Variants in ASTN2 observed in about 807,000 individuals in gnomAD.
ASTN2 encodes astrotactin 2.
In ASTN2, 54 loss-of-function variants were observed where a neutral mutation model predicts 139.8. The ratio of observed to expected loss-of-function variants is 0.39; its 90% CI spans 0.31 to 0.48. The LOEUF (loss-of-function observed/expected upper bound fraction) is 0.48. Ranked by LOEUF, ASTN2 falls within the 20% of genes least tolerant of loss-of-function variation. The probability of loss-of-function intolerance (pLI) is 0.95; values close to 1 mark genes in which losing one functional copy is unlikely to be tolerated. For missense variants in ASTN2, 1,565 were observed against 1,725.1 expected, an observed-to-expected ratio of 0.91 and a Z score of 1.64; for synonymous variants, 756 against 719.5, an observed-to-expected ratio of 1.05 and a Z score of -0.81.
intron 6 of ASTN2, among the ~76,000 whole-genome samples, chr9:117,022,447 AAAAAAAAC>A (rs1171872030): frequency 2.7e-5 from 3 of 111,862 alleles, no homozygotes; most frequent in East Asian, 3.3e-4. Flanking sequence ...CAGGGCAAAA[AAAAAAAAC>A]AAAAAAACAA....
chr9:116,511,634 G>C (rs1850385990), intron 19 of ASTN2, among the ~76,000 whole-genome samples: 1 of 152,154 alleles, frequency 6.6e-6, no homozygotes, highest in Admixed American at 6.5e-5. Flanking sequence ...GTCAGGTACT[G>C]GACTTTTTTT....
intron 16 of ASTN2, among the ~76,000 whole-genome samples, chr9:116,706,703 T>C (rs966309520): frequency 6.6e-5 from 10 of 151,380 alleles, no homozygotes; most frequent in African/African-American, 2.2e-4. Flanking sequence ...AGATGACCAC[T>C]ACCACTGCAG....
At chr9:116,802,421 C>T (rs901001042) in intron 13 of ASTN2, among the ~76,000 whole-genome samples, 10 of 152,034 alleles carry the variant, frequency 6.6e-5, no homozygotes, top group Admixed American at 2.6e-4. Flanking sequence ...GTCTGTTGGC[C>T]GTGGGAAGAT....
intron 16 of ASTN2, among the ~76,000 whole-genome samples, chr9:116,725,377 A>T (rs917551538): frequency 9.9e-5 from 15 of 151,928 alleles, no homozygotes; most frequent in Admixed American, 3.9e-4. Context: ...AGAACCCAAG[A>T]TCTTCTTGGG....
intron 16 of ASTN2, chr9:116,687,159 C>G: frequency 9.3e-7 from 1 of 1,070,084 alleles, no homozygotes; most frequent in Non-Finnish European, 1.1e-6. Context: ...TCGCTAAGGC[C>G]CCGGGTTCTC....
intron 2 of ASTN2, among the ~76,000 whole-genome samples, chr9:117,274,004 T>C (rs957849886): frequency 6.6e-6 from 1 of 152,114 alleles, no homozygotes; most frequent in Non-Finnish European, 1.5e-5. Flanking sequence ...AGACCCTAAT[T>C]GTTATCTCCC....
chr9:116,667,969 A>C (rs1235905879), intron 16 of ASTN2, among the ~76,000 whole-genome samples: 1 of 152,140 alleles, frequency 6.6e-6, no homozygotes, highest in Non-Finnish European at 1.5e-5. Context: ...GGTGTTGAAC[A>C]TTCTATGGGT....
chr9:117,169,131 T>A (rs995911942), intron 3 of ASTN2, among the ~76,000 whole-genome samples: 4 of 151,876 alleles, frequency 2.6e-5, no homozygotes, highest in Admixed American at 2.6e-4. Flanking sequence ...TGATTATAAA[T>A]AGAGGTTGCT....
intron 16 of ASTN2, among the ~76,000 whole-genome samples, chr9:116,706,760 A>ATTTTTTTTTTTTTTTTTTTT (rs60395133): frequency 1.1e-5 from 1 of 88,060 alleles, no homozygotes; most frequent in African/African-American, 4.5e-5. Flanking sequence ...GCTGGCTAGA[A>ATTTTTTTTTTTTTTTTTTTT]TTTTTTTTTT....
intron 10 of ASTN2, among the ~76,000 whole-genome samples, chr9:116,962,771 T>C (rs1186501704): frequency 6.6e-6 from 1 of 152,204 alleles, no homozygotes. Context: ...TGTCATAATA[T>C]AATACAATAG....
At chr9:116,700,990 G>T (rs1861142482) in intron 16 of ASTN2, 1 of 167,072 alleles carries the variant, frequency 6.0e-6, no homozygotes, top group African/African-American at 2.4e-5. Context: ...CCTATTCTGA[G>T]CTTCTGCTGT....
At chr9:116,663,863 T>C (rs529554006) in intron 16 of ASTN2, among the ~76,000 whole-genome samples, 3 of 152,298 alleles carry the variant, frequency 2.0e-5, no homozygotes, top group South Asian at 4.1e-4. Context: ...TGGAAGCTCA[T>C]GGAGGGAAAA....
intron 19 of ASTN2, chr9:116,613,213 C>T (rs1234145920): frequency 6.6e-6 from 1 of 152,174 alleles, no homozygotes; most frequent in Non-Finnish European, 1.5e-5. Flanking sequence ...ATAACAGGTT[C>T]TGAAATTGAG....
chr9:117,066,122 C>T (rs1014563592), intron 5 of ASTN2, among the ~76,000 whole-genome samples: 4 of 142,888 alleles, frequency 2.8e-5, no homozygotes, highest in African/African-American at 1.0e-4. Context: ...CACCCACTAA[C>T]TCGTCATCTA....
intron 1 of ASTN2, among the ~76,000 whole-genome samples, chr9:117,397,364 A>T (rs1015444270): frequency 1.3e-5 from 2 of 152,130 alleles, no homozygotes; most frequent in Admixed American, 6.6e-5. Flanking sequence ...TATACTATTT[A>T]AAAAAAACAA....
intron 2 of ASTN2, among the ~76,000 whole-genome samples, chr9:117,287,355 T>C (rs967274600): frequency 1.3e-5 from 2 of 152,152 alleles, no homozygotes; most frequent in Non-Finnish European, 2.9e-5. Context: ...GGATTCCACA[T>C]AGGGTACAGT....
chr9:117,006,322 C>T (rs2132582123), intron 7 of ASTN2, among the ~76,000 whole-genome samples: 1 of 152,294 alleles, frequency 6.6e-6, no homozygotes, highest in South Asian at 2.1e-4. Flanking sequence ...CCTCACCCAA[C>T]CCTGACCTTC....
chr9:116,524,203 T>A (rs969406816), intron 19 of ASTN2, among the ~76,000 whole-genome samples: 10 of 152,220 alleles, frequency 6.6e-5, no homozygotes, highest in Non-Finnish European at 1.2e-4. Flanking sequence ...ATTGTTTTAG[T>A]GGCTTCTGCC....
intron 11 of ASTN2, among the ~76,000 whole-genome samples, chr9:116,855,179 A>G (rs115865466): frequency 0.016 from 2,437 of 152,314 alleles, 56 homozygotes; most frequent in African/African-American, 0.055. Context: ...AAAAATATTT[A>G]ATGTCATAAA....
Sources: gnomAD v4.1 joint callset for allele counts (sites outside exome capture counted in the v4.1 genomes callset) on GRCh38, gnomAD v4.1.1 for gene constraint, MANE v1.5 for transcripts, NCBI Gene and HGNC (gene_info 2026-07-23, HGNC 2026-07-21) for gene names.